The following CARHSP1 variants were observed in gnomAD, a reference collection of about 807,000 sequenced individuals.
The protein encoded by CARHSP1 is calcium-regulated heat-stable protein 1.
Under a neutral mutation model 12.5 loss-of-function variants are expected in CARHSP1, and 14 were observed. The observed-to-expected ratio is 1.12, with a 90% CI of 0.74 to 1.75. The LOEUF is 1.75. Ranked by LOEUF, CARHSP1 falls within the 40% of genes most tolerant of loss-of-function variation. CARHSP1 has a pLI of 0.00. For synonymous variants in CARHSP1, 161 were observed against 82.0 expected (o/e 1.96, Z -5.20); for missense variants, 343 against 201.6 (o/e 1.70, Z -4.25).
intron 3 of CARHSP1, among the ~76,000 whole-genome samples, chr16:8,857,263 G>GTTTTTTGTTTTTTTTTTTTTTTTTT (rs1315960023): frequency 1.1e-4 from 6 of 57,036 alleles, no homozygotes; most frequent in East Asian, 8.9e-4. Flanking sequence ...GGGCAGATCT[G>GTTTTTTGTTTTTTTTTTTTTTTTTT]TTTTTTTTTT....
At chr16:8,858,815 C>G in intron 2 of CARHSP1, 1 of 409,644 alleles carries the variant, frequency 2.4e-6, no homozygotes, top group Non-Finnish European at 4.4e-6. Context: ...CCTGCATCTG[C>G]CAGGCATTAT....
In CARHSP1 at chr16:8,866,775, C is replaced by T. The variant is rs553384598; in HGVS notation, c.-8+2191G>A. ...CGGGAGGCAAAGGGGAGGGGGCAGCCAGGCCGGAGTCAGCCCTCCGCTGGC... is the reference window on the plus strand; with the variant it reads ...CGGGAGGCAAAGGGGAGGGGGCAGCTAGGCCGGAGTCAGCCCTCCGCTGGC... On this transcript the variant is annotated intron_variant, in intron 1 of 3. Transcript: ENST00000311052. Among the ~76,000 whole-genome samples, 302 of 151,750 alleles carry T rather than the reference C, an allele frequency of 2.0e-3. 1 individual carries two copies. Among genetic ancestry groups the T allele is most frequent in the Middle Eastern group, 0.017 (5 of 294 alleles).
At chr16:8,860,216 C>A in intron 1 of CARHSP1, 2 of 985,356 alleles carry the variant, frequency 2.0e-6, no homozygotes, top group Non-Finnish European at 2.4e-6. Flanking sequence ...ACTGGGGGGC[C>A]TGCTGCGAGA....
In CARHSP1 at chr16:8,855,445, C is replaced by T. The variant is rs1478513; in HGVS notation, c.282-119G>A. 1.3e-3 allele frequency: 1,123 copies of T among 846,088 alleles called. 8 individuals are homozygous for T. In the African/African-American group the frequency reaches 0.015, roughly 11 times the overall value. 52.4% of individuals were successfully genotyped at this position (846,088 alleles called of 1,614,324 possible). A position where few individuals can be genotyped will look rare whatever the true frequency, so the allele number is the denominator to read the frequency against. On this transcript the variant is annotated intron_variant, in intron 3 of 3. Transcript: ENST00000311052. ...AAGCAGGCACCATCTGACCAACCAC[C>T]GGGAACCTCTTTCCAAAGAACTGCC...
At chr16:8,865,893 G>A (rs1289644182) in intron 1 of CARHSP1, among the ~76,000 whole-genome samples, 1 of 152,210 alleles carries the variant, frequency 6.6e-6, no homozygotes, top group Non-Finnish European at 1.5e-5. Context: ...AATCTCTGGG[G>A]ATCTTGTTCA....
chr16:8,856,271 C>T (rs367944593), intron 3 of CARHSP1, among the ~76,000 whole-genome samples: 1 of 152,144 alleles, frequency 6.6e-6, no homozygotes, highest in Admixed American at 6.5e-5. Context: ...GAAACCCCCC[C>T]AGAGGAAAAC....
chr16:8,855,509 T>G (rs1224443519), intron 3 of CARHSP1, among the ~76,000 whole-genome samples, 183 bp from the exon 4 acceptor site: 2 of 152,140 alleles, frequency 1.3e-5, no homozygotes, highest in Non-Finnish European at 2.9e-5. Context: ...CCCCAGCCTC[T>G]GTCCTAGGCA....
rs1274476242 is a variant in CARHSP1, at chr16:8,854,180, C to G, written c.*984G>C. 1 of 151,914 alleles carries G rather than the reference C, an allele frequency of 6.6e-6. No individual in the cohort carries two copies. Among genetic ancestry groups the G allele is most frequent in the Non-Finnish European group, 1.5e-5 (1 of 67,928 alleles). The allele number at this position is 151,914 out of a possible 1,614,324, so 9.4% of individuals were successfully genotyped here. ...TTATGAAAAATAAGAAAAAAAAAATCCCTAAGCATTTCTTAACACTAGTTT... is the reference window on the plus strand; with the variant it reads ...TTATGAAAAATAAGAAAAAAAAAATGCCTAAGCATTTCTTAACACTAGTTT... On this transcript the variant is annotated 3_prime_UTR_variant, in exon 4 of 4. Transcript: ENST00000311052.
intron 1 of CARHSP1, chr16:8,861,898 G>A: frequency 1.1e-6 from 1 of 927,300 alleles, no homozygotes; most frequent in Non-Finnish European, 1.4e-6. Flanking sequence ...TGGGAGCAGT[G>A]GCCTCGCAAC....
intron 3 of CARHSP1, among the ~76,000 whole-genome samples, chr16:8,857,206 C>T (rs950768172): frequency 1.3e-5 from 2 of 148,590 alleles, no homozygotes; most frequent in African/African-American, 2.5e-5. Flanking sequence ...CAAGCATAGT[C>T]GGGCACCCCC....
intron 3 of CARHSP1, 124 bp from the exon 4 acceptor site, chr16:8,855,450 A>C (rs1002177626): frequency 7.4e-6 from 6 of 805,384 alleles, no homozygotes; most frequent in Non-Finnish European, 7.0e-6. Flanking sequence ...ACCACCGGGA[A>C]CCTCTTTCCA....
Position 8,853,455 on chromosome 16 carries a change from C to T in CARHSP1, c.*1709G>A, listed in dbSNP as rs1216892700. 1 of 152,108 alleles carries T rather than the reference C, an allele frequency of 6.6e-6. No homozygotes were observed. Among genetic ancestry groups the T allele is most frequent in the African/African-American group, 2.4e-5 (1 of 41,384 alleles). The allele number at this position is 152,108 out of a possible 1,614,324, so 9.4% of individuals were successfully genotyped here. A position where few individuals can be genotyped will look rare whatever the true frequency, so the allele number is the denominator to read the frequency against. On this transcript the variant is annotated 3_prime_UTR_variant, in exon 4 of 4. Coordinates refer to ENST00000311052, the MANE Select transcript of CARHSP1 (RefSeq NM_014316.4). ...AGGACCTAACTGTGGTGGGAACTGC[C>T]TTTGTCTCCACACACTCGCAATCAA... is the stretch of plus-strand genomic sequence containing the variant.
chr16:8,865,212 C>T (rs779093526), intron 1 of CARHSP1, among the ~76,000 whole-genome samples: 9 of 152,270 alleles, frequency 5.9e-5, no homozygotes, highest in East Asian at 1.9e-4. Context: ...CAGGTTCAAG[C>T]GATTCTCCTG....
At chr16:8,865,325 G>A (rs1239316173) in intron 1 of CARHSP1, among the ~76,000 whole-genome samples, 1 of 152,100 alleles carries the variant, frequency 6.6e-6, no homozygotes, top group Non-Finnish European at 1.5e-5. Context: ...AGCCAATCTG[G>A]TCTCGGACTC....
At chr16:8,858,120 C>G in intron 3 of CARHSP1, 1 of 566,382 alleles carries the variant, frequency 1.8e-6, no homozygotes, top group Non-Finnish European at 3.1e-6. Flanking sequence ...TCACAAGTAC[C>G]GTGTCGCCCC....
intron 3 of CARHSP1, among the ~76,000 whole-genome samples, 195 bp from the exon 4 acceptor site, chr16:8,855,521 G>C (rs2061072044): frequency 6.6e-6 from 1 of 152,192 alleles, no homozygotes; most frequent in Admixed American, 6.5e-5. Flanking sequence ...TCCTAGGCAA[G>C]GAGGCCCTGG....
chr16:8,865,467 A>G lies in CARHSP1; in HGVS notation c.-8+3499T>C, dbSNP rs573685752. On this transcript the variant is annotated intron_variant, in intron 1 of 3. Coordinates refer to ENST00000311052, the MANE Select transcript of CARHSP1 (RefSeq NM_014316.4). ...TATTGAAGACAGGATGATAGAAGGCAGGGGGATAAGAGTTCAAGTCAGACA... is the reference window on the plus strand; with the variant it reads ...TATTGAAGACAGGATGATAGAAGGCGGGGGGATAAGAGTTCAAGTCAGACA... Among the ~76,000 whole-genome samples the G allele has an allele frequency of 7.2e-5, 11 of 152,320 alleles. No individual in the cohort carries two copies. In the South Asian group the frequency reaches 2.3e-3, roughly 32 times the overall value.
intron 1 of CARHSP1, among the ~76,000 whole-genome samples, chr16:8,864,326 TG>T (rs3833067): frequency 0.23 from 35,486 of 152,142 alleles, 4,438 homozygotes; most frequent in Middle Eastern, 0.29. Context: ...CACAGCACGC[TG>T]GGCACCTGTG....
intron 1 of CARHSP1, chr16:8,866,553 T>C (rs1321409696): frequency 2.8e-6 from 2 of 716,262 alleles, no homozygotes; most frequent in Admixed American, 6.3e-5. Context: ...GCGGGTCAGC[T>C]GAGCCCAGAT....
Sources: allele counts gnomAD v4.1 joint callset (sites outside exome capture counted in the v4.1 genomes callset), GRCh38; gene constraint gnomAD v4.1.1; transcripts MANE v1.5; gene names NCBI Gene and HGNC (gene_info 2026-07-23, HGNC 2026-07-21).